Variants in MSRA observed in about 807,000 individuals in gnomAD.
MSRA encodes methionine sulfoxide reductase A.
Under a neutral mutation model 31.3 loss-of-function variants are expected in MSRA, and 54 were observed. The ratio of observed to expected loss-of-function variants is 1.73; its 90% CI spans 1.39 to 2.17. The LOEUF (loss-of-function observed/expected upper bound fraction) is 2.17. Ranked by LOEUF, MSRA falls within the 30% of genes most tolerant of loss-of-function variation. MSRA has a pLI of 0.00. For synonymous variants in MSRA, 169 were observed against 116.5 expected (o/e 1.45, Z -2.90); for missense variants, 507 against 300.9 (o/e 1.69, Z -5.07).
intron 1 of MSRA, among the ~76,000 whole-genome samples, chr8:10,085,783 GCTTT>G (rs1798529636): frequency 6.6e-6 from 1 of 152,150 alleles, no homozygotes; most frequent in South Asian, 2.1e-4. Flanking sequence ...CAATTGATCT[GCTTT>G]CTGTCTCCAT....
intron 1 of MSRA, among the ~76,000 whole-genome samples, chr8:10,071,824 C>G (rs547449543): frequency 6.6e-6 from 1 of 152,124 alleles, no homozygotes; most frequent in Non-Finnish European, 1.5e-5. Context: ...ATCAGGAATA[C>G]GATCCAGACA....
At chr8:10,417,986 A>C (rs1808585894) in intron 5 of MSRA, among the ~76,000 whole-genome samples, 1 of 152,258 alleles carries the variant, frequency 6.6e-6, no homozygotes, top group South Asian at 2.1e-4. Flanking sequence ...TTTCCCCTAA[A>C]GCAGCTGTGC....
chr8:10,242,846 A>G (rs1797407332), intron 2 of MSRA, among the ~76,000 whole-genome samples: 1 of 152,088 alleles, frequency 6.6e-6, no homozygotes, highest in Admixed American at 6.5e-5. Context: ...CCTGTGTCCT[A>G]AGTCACATTC....
chr8:10,305,310 G>C (rs969041522), intron 4 of MSRA, among the ~76,000 whole-genome samples: 1 of 151,786 alleles, frequency 6.6e-6, no homozygotes, highest in Non-Finnish European at 1.5e-5. Flanking sequence ...GCTAAACAGA[G>C]AACATTCAGC....
At chr8:10,192,498 T>G (rs971533332) in intron 1 of MSRA, among the ~76,000 whole-genome samples, 2 of 152,204 alleles carry the variant, frequency 1.3e-5, no homozygotes, top group Admixed American at 6.5e-5. Context: ...ACCACTTAAC[T>G]TAAAGTGTAC....
intron 3 of MSRA, among the ~76,000 whole-genome samples, chr8:10,261,756 G>C (rs535955278): frequency 3.3e-5 from 5 of 152,196 alleles, no homozygotes; most frequent in Admixed American, 1.3e-4. Flanking sequence ...TTCCCTTTTG[G>C]TGGTGTACAT....
chr8:10,080,095 C>T (rs753146074), intron 1 of MSRA, among the ~76,000 whole-genome samples: 8 of 152,144 alleles, frequency 5.3e-5, no homozygotes, highest in Non-Finnish European at 1.0e-4. Flanking sequence ...TGCTTTTCTC[C>T]CCCATCTTTT....
chr8:10,347,927 C>T (rs979406630), intron 5 of MSRA, among the ~76,000 whole-genome samples: 5 of 152,176 alleles, frequency 3.3e-5, no homozygotes, highest in Admixed American at 6.5e-5. Context: ...CTGTAGTGAT[C>T]GATGCAGATG....
intron 5 of MSRA, among the ~76,000 whole-genome samples, chr8:10,372,262 G>T (rs1003272189): frequency 2.0e-5 from 3 of 152,116 alleles, no homozygotes; most frequent in Admixed American, 1.3e-4. Flanking sequence ...GGTCCAATTG[G>T]GAATTAAGAA....
In MSRA at chr8:10,232,914, T is replaced by G. The variant is rs117398918; in HGVS notation, c.212-12190T>G. 2.4e-3 allele frequency among the ~76,000 whole-genome samples: 364 copies of G among 152,356 alleles called. 1 individual carries two copies. The highest frequency in any genetic ancestry group is 2.3e-3 in the Non-Finnish European group (158 of 68,038). ...TGATATGTTCTTTAAGTCTCTTAGGTGCTTAAGTCATGATGTAAGTTTGAA... is the reference window on the plus strand; with the variant it reads ...TGATATGTTCTTTAAGTCTCTTAGGGGCTTAAGTCATGATGTAAGTTTGAA... On this transcript the variant is annotated intron_variant, in intron 2 of 5. Coordinates refer to ENST00000317173, the MANE Select transcript of MSRA (RefSeq NM_012331.5).
chr8:10,342,855 A>T (rs747715285), intron 5 of MSRA, among the ~76,000 whole-genome samples: 27 of 152,204 alleles, frequency 1.8e-4, no homozygotes, highest in African/African-American at 6.0e-4. Context: ...CTTGGTTCCA[A>T]TCCCAGCTCT....
At chr8:10,246,072 T>C (rs1797608144) in intron 3 of MSRA, among the ~76,000 whole-genome samples, 1 of 152,246 alleles carries the variant, frequency 6.6e-6, no homozygotes, top group Non-Finnish European at 1.5e-5. Context: ...ACTTGACTTA[T>C]AGGCCAAATC....
Position 10,379,020 on chromosome 8 carries a change from G to C in MSRA, c.544-49128G>C, listed in dbSNP as rs143469703. Among the ~76,000 whole-genome samples, 586 of 152,318 alleles carry C rather than the reference G, an allele frequency of 3.8e-3. 8 individuals carry two copies. The highest frequency in any genetic ancestry group is 0.014 in the African/African-American group (563 of 41,570). On this transcript the variant is annotated intron_variant, in intron 5 of 5. Coordinates refer to ENST00000317173, the MANE Select transcript of MSRA (RefSeq NM_012331.5). Reference sequence around the variant, plus strand: ...CCTGCATATTTTTTTACGCAGACATGCTTATGTTGGACTTTTTTTCACTTA... The same window carrying C: ...CCTGCATATTTTTTTACGCAGACATCCTTATGTTGGACTTTTTTTCACTTA...
intron 2 of MSRA, among the ~76,000 whole-genome samples, chr8:10,230,927 A>G (rs1811418763): frequency 1.3e-5 from 2 of 152,044 alleles, no homozygotes; most frequent in South Asian, 2.1e-4. Flanking sequence ...TGGGATTACC[A>G]GTATGTGCCA....
chr8:10,159,036 C>A (rs1008479005), intron 1 of MSRA, among the ~76,000 whole-genome samples: 3 of 152,202 alleles, frequency 2.0e-5, no homozygotes, highest in African/African-American at 7.2e-5. Context: ...AGATCACTGT[C>A]ACCGTATCAA....
chr8:10,414,022 C>G (rs992383911), intron 5 of MSRA, among the ~76,000 whole-genome samples: 1 of 152,020 alleles, frequency 6.6e-6, no homozygotes, highest in South Asian at 2.1e-4. Context: ...ATAAAACTAG[C>G]CAGGTGTGGT....
chr8:10,095,298 C>G (rs968600237), intron 1 of MSRA, among the ~76,000 whole-genome samples: 2 of 152,120 alleles, frequency 1.3e-5, no homozygotes, highest in Admixed American at 6.5e-5. Flanking sequence ...TGAATGGCTT[C>G]TAGTACTCCA....
chr8:10,183,016 A>G (rs985565099), intron 1 of MSRA, among the ~76,000 whole-genome samples: 1 of 152,166 alleles, frequency 6.6e-6, no homozygotes, highest in Non-Finnish European at 1.5e-5. Context: ...AGCACATTCC[A>G]TGAGCCAACC....
intron 1 of MSRA, among the ~76,000 whole-genome samples, chr8:10,137,144 T>C (rs1802342757): frequency 6.6e-6 from 1 of 152,240 alleles, no homozygotes; most frequent in Non-Finnish European, 1.5e-5. Context: ...TCTGCTTTGC[T>C]GGGACGATGG....
Sources: allele counts gnomAD v4.1 joint callset (sites outside exome capture counted in the v4.1 genomes callset), GRCh38; gene constraint gnomAD v4.1.1; transcripts MANE v1.5; gene names NCBI Gene and HGNC (gene_info 2026-07-23, HGNC 2026-07-21).